Variants in DCC observed in about 807,000 individuals in gnomAD.
The protein encoded by DCC is DCC netrin 1 receptor.
In DCC, 58 loss-of-function variants were observed where a neutral mutation model predicts 172.5. The ratio of observed to expected loss-of-function variants is 0.34; its 90% CI spans 0.27 to 0.42. DCC has a LOEUF of 0.42. Ranked by LOEUF, DCC falls within the 10% of genes least tolerant of loss-of-function variation. The pLI is 1.00. For missense variants in DCC, 1,740 were observed against 1,791.0 expected (o/e 0.97, Z 0.51); for synonymous variants, 709 against 644.5 (o/e 1.10, Z -1.52).
chr18:53,006,024 C>A (rs1391120520), intron 5 of DCC, among the ~76,000 whole-genome samples: 1 of 152,128 alleles, frequency 6.6e-6, no homozygotes, highest in African/African-American at 2.4e-5. Flanking sequence ...ATGACAAAAT[C>A]AGGCAAGAGA....
intron 2 of DCC, among the ~76,000 whole-genome samples, chr18:52,756,679 C>A (rs527775011): frequency 3.9e-5 from 6 of 152,178 alleles, no homozygotes; most frequent in Non-Finnish European, 7.3e-5. Flanking sequence ...TGAAAATGAA[C>A]TTGCATCTGG....
chr18:52,741,792 G>A (rs1341401044), intron 1 of DCC, among the ~76,000 whole-genome samples: 3 of 152,022 alleles, frequency 2.0e-5, no homozygotes, highest in African/African-American at 7.3e-5. Context: ...ACCTGCCTGG[G>A]TGCCTTAGCA....
intron 5 of DCC, among the ~76,000 whole-genome samples, chr18:52,940,467 AG>A (rs1203863859): frequency 6.6e-6 from 1 of 152,184 alleles, no homozygotes; most frequent in Non-Finnish European, 1.5e-5. Context: ...GTAGAACAAA[AG>A]TAGCTCCACC....
At chr18:53,495,961 G>GACTT (rs1251256861) in intron 26 of DCC, among the ~76,000 whole-genome samples, 1 of 152,148 alleles carries the variant, frequency 6.6e-6, no homozygotes, top group Non-Finnish European at 1.5e-5. Flanking sequence ...CCCAGTCAGG[G>GACTT]ACTTATAGGT....
intron 1 of DCC, among the ~76,000 whole-genome samples, chr18:52,733,263 G>C (rs916181994): frequency 1.3e-5 from 2 of 152,154 alleles, no homozygotes; most frequent in Non-Finnish European, 2.9e-5. Flanking sequence ...CAGTGTCTAA[G>C]TGTCTGCAGT....
chr18:52,725,329 C>T (rs1425550732), intron 1 of DCC, among the ~76,000 whole-genome samples: 2 of 152,202 alleles, frequency 1.3e-5, no homozygotes, highest in Admixed American at 6.5e-5. Context: ...AGTCACTGTT[C>T]TGTCTTTTCA....
At chr18:53,041,673 A>G (rs991992119) in intron 5 of DCC, among the ~76,000 whole-genome samples, 1 of 151,976 alleles carries the variant, frequency 6.6e-6, no homozygotes, top group African/African-American at 2.4e-5. Context: ...ATTTGTTTGT[A>G]TCCTGTCTGA....
chr18:53,435,271 T>C, intron 22 of DCC, 62 bp downstream of exon 22: 1 of 1,129,510 alleles, frequency 8.9e-7, no homozygotes, highest in Non-Finnish European at 1.3e-6. Context: ...AATTCAAGAG[T>C]GTCTGGGGCA....
chr18:52,458,018 T>C (rs1202543750), intron 1 of DCC, among the ~76,000 whole-genome samples: 1 of 152,148 alleles, frequency 6.6e-6, no homozygotes, highest in East Asian at 1.9e-4. Context: ...GTCTGATCTG[T>C]TCACTTCAGC....
chr18:53,142,138 A>G (rs961933669), intron 7 of DCC, among the ~76,000 whole-genome samples: 1 of 152,238 alleles, frequency 6.6e-6, no homozygotes, highest in Non-Finnish European at 1.5e-5. Flanking sequence ...ACAGGAATGT[A>G]GTTGAAATCC....
rs760390119 is a variant in DCC, at chr18:53,179,039, C to T, written c.1496C>T (p.Thr499Ile). 7 of 1,613,874 alleles carry T rather than the reference C, an allele frequency of 4.3e-6. No homozygotes were observed. Among genetic ancestry groups the T allele is most frequent in the African/African-American group, 1.3e-5 (1 of 74,926 alleles). Residue 499 changes from threonine (T) to isoleucine (I), a missense_variant, in exon 9 of 29, where the codon ACC becomes ATC. Physicochemically the swap from Thr to Ile is moderately conservative, Grantham distance 89. Coordinates refer to ENST00000442544, the MANE Select transcript of DCC (RefSeq NM_005215.4). ...VGNLKPEAMY[T>I]FRVVAYNEWG... is the part of the protein sequence containing the mutation. ...AACCTGAAGCCAGAAGCCATGTACA[C>T]CTTTCGAGTTGTGGCTTACAATGAA...
intron 1 of DCC, among the ~76,000 whole-genome samples, chr18:52,527,396 A>C (rs2032015340): frequency 6.6e-6 from 1 of 152,234 alleles, no homozygotes; most frequent in Admixed American, 6.5e-5. Flanking sequence ...TGGTGATTCC[A>C]CCAATGAGCA....
At chr18:53,215,466 A>T (rs2055831256) in intron 11 of DCC, 82 bp from the exon 12 acceptor site, 2 of 1,137,336 alleles carry the variant, frequency 1.8e-6, no homozygotes, top group Non-Finnish European at 2.7e-6. Context: ...AAACAAAACC[A>T]CACTCTCTTT....
At chr18:53,104,887 GA>G (rs1230484468) in intron 7 of DCC, among the ~76,000 whole-genome samples, 1 of 152,008 alleles carries the variant, frequency 6.6e-6, no homozygotes, top group African/African-American at 2.4e-5. Flanking sequence ...CAGTCTCCTA[GA>G]GAGGTTCTAT....
At chr18:52,445,921 TTTGTTTGTTTG>T (rs1489534504) in intron 1 of DCC, among the ~76,000 whole-genome samples, 1 of 152,002 alleles carries the variant, frequency 6.6e-6, no homozygotes, top group African/African-American at 2.4e-5. Context: ...TTTTTGTTTG[TTTGTTTGTTTG>T]TTGTTTGTTT....
At chr18:52,793,329 T>C (rs1259604063) in intron 2 of DCC, among the ~76,000 whole-genome samples, 1 of 152,216 alleles carries the variant, frequency 6.6e-6, no homozygotes, top group African/African-American at 2.4e-5. Context: ...CATTCACTTC[T>C]GCAAGCTCCC....
intron 15 of DCC, among the ~76,000 whole-genome samples, chr18:53,377,707 G>A (rs1309068399): frequency 6.6e-6 from 1 of 152,174 alleles, no homozygotes. Context: ...GGGATGGGAG[G>A]TAGTTAAAAG....
At chr18:53,495,629 C>T (rs911674908) in intron 26 of DCC, among the ~76,000 whole-genome samples, 7 of 152,142 alleles carry the variant, frequency 4.6e-5, no homozygotes, top group Admixed American at 1.3e-4. Context: ...CGAGGAGTAT[C>T]TTTATGGTGT....
chr18:53,447,680 A>G (rs933411721), intron 22 of DCC, among the ~76,000 whole-genome samples: 6 of 152,208 alleles, frequency 3.9e-5, no homozygotes, highest in African/African-American at 1.4e-4. Context: ...ATAAAAATCT[A>G]TGAGATCCCT....
Sources: gnomAD v4.1 joint callset for allele counts (sites outside exome capture counted in the v4.1 genomes callset) on GRCh38, gnomAD v4.1.1 for gene constraint, MANE v1.5 for transcripts, NCBI Gene and HGNC (gene_info 2026-07-23, HGNC 2026-07-21) for gene names.